Variants in TBC1D5 observed in about 807,000 individuals in gnomAD.
TBC1D5 encodes TBC1 domain family member 5, also known as TBC1 domain family, member 5.
A neutral mutation model predicts 100.3 loss-of-function variants in TBC1D5; 75 were observed. The ratio of observed to expected loss-of-function variants is 0.75; its 90% CI spans 0.62 to 0.91. TBC1D5 has a LOEUF of 0.91. TBC1D5 is among the 40% of genes least tolerant of loss of function. The pLI is 0.00. For synonymous variants in TBC1D5, 323 were observed against 325.6 expected (o/e 0.99, Z 0.09); for missense variants, 910 against 942.4 (o/e 0.97, Z 0.45).
At chr3:17,297,845 C>G (rs1303085975) in intron 14 of TBC1D5, among the ~76,000 whole-genome samples, 1 of 151,956 alleles carries the variant, frequency 6.6e-6, no homozygotes, top group East Asian at 1.9e-4. Flanking sequence ...CTGCCTTGGC[C>G]TCCCAAAGTG....
At chr3:17,291,556 C>T (rs529856955) in intron 15 of TBC1D5, among the ~76,000 whole-genome samples, 46 of 152,262 alleles carry the variant, frequency 3.0e-4, no homozygotes, top group African/African-American at 1.1e-3. Flanking sequence ...ATAAATCAAC[C>T]CCTGTGTGGG....
rs141129201 is a variant in TBC1D5, at chr3:17,410,983, G to C, written c.168-4457C>G. Among the ~76,000 whole-genome samples, 522 of 152,250 alleles carry C rather than the reference G, an allele frequency of 3.4e-3. 4 individuals are homozygous for C. The highest frequency in any genetic ancestry group is 0.011 in the African/African-American group (475 of 41,550). On this transcript the variant is annotated intron_variant, in intron 4 of 21. Coordinates refer to ENST00000253692, the Ensembl canonical transcript of TBC1D5. ...TTGAAACAAGTTCTACTCTGGGTAA[G>C]ATGCTGCCAAACAGAATCTCATGCT...
intron 4 of TBC1D5, among the ~76,000 whole-genome samples, chr3:17,414,427 G>A (rs944617624): frequency 1.3e-5 from 2 of 152,116 alleles, no homozygotes; most frequent in Non-Finnish European, 2.9e-5. Flanking sequence ...ATTAGTGAAA[G>A]ATTTCAATCA....
chr3:17,686,051 T>C (rs2070229028), intron 1 of TBC1D5, among the ~76,000 whole-genome samples: 1 of 152,154 alleles, frequency 6.6e-6, no homozygotes, highest in Non-Finnish European at 1.5e-5. Context: ...ACTTTCTCTA[T>C]TGGGGCTGAC....
At chr3:17,708,864 T>C (rs2074422793) in intron 1 of TBC1D5, among the ~76,000 whole-genome samples, 1 of 152,224 alleles carries the variant, frequency 6.6e-6, no homozygotes, top group South Asian at 2.1e-4. Context: ...ATTTCAGTTT[T>C]TCCAATAAAA....
chr3:17,672,170 C>A (rs973052086), intron 1 of TBC1D5, among the ~76,000 whole-genome samples: 15 of 152,252 alleles, frequency 9.9e-5, no homozygotes, highest in African/African-American at 2.6e-4. Flanking sequence ...AAACATATGA[C>A]TTCTACCAAA....
At chr3:17,547,282 G>C (rs2096426946) in intron 2 of TBC1D5, among the ~76,000 whole-genome samples, 2 of 150,510 alleles carry the variant, frequency 1.3e-5, no homozygotes, top group South Asian at 4.2e-4. Flanking sequence ...ACGATGAAAA[G>C]GGACTGTTTT....
rs536320478 is a variant in TBC1D5 at position 17,540,488 on chromosome 3, A to C, written c.-35-31883T>G. 3.3e-5 allele frequency among the ~76,000 whole-genome samples: 5 copies of C among 152,138 alleles called. No individual in the cohort carries two copies. In the East Asian group the frequency reaches 7.7e-4, roughly 24 times the overall value. On this transcript the variant is annotated intron_variant, in intron 2 of 21. Coordinates refer to ENST00000253692, the Ensembl canonical transcript of TBC1D5. Reference sequence around the variant, plus strand: ...TATGTCTTTGGTCCATTTTGAGTTAATTTTTGTATACTGTGTTAGTTTCGG... The same window carrying C: ...TATGTCTTTGGTCCATTTTGAGTTACTTTTTGTATACTGTGTTAGTTTCGG...
At chr3:17,734,546 C>T (rs755773180) in intron 1 of TBC1D5, among the ~76,000 whole-genome samples, 9 of 152,156 alleles carry the variant, frequency 5.9e-5, no homozygotes, top group Non-Finnish European at 1.3e-4. Flanking sequence ...ACTATATAAA[C>T]ATAAGGTAGG....
intron 3 of TBC1D5, among the ~76,000 whole-genome samples, chr3:17,461,815 C>T (rs1245482669): frequency 1.3e-5 from 2 of 152,170 alleles, no homozygotes; most frequent in African/African-American, 2.4e-5. Flanking sequence ...ACTGCACCCA[C>T]CACCTTATTT....
At chr3:17,624,987 T>G (rs1280155383) in intron 1 of TBC1D5, among the ~76,000 whole-genome samples, 1 of 152,106 alleles carries the variant, frequency 6.6e-6, no homozygotes, top group Non-Finnish European at 1.5e-5. Context: ...ATCTAAGCCT[T>G]AAAGTCCTTG....
At chr3:17,198,008 G>T (rs1247152521) in intron 18 of TBC1D5, among the ~76,000 whole-genome samples, 1 of 152,212 alleles carries the variant, frequency 6.6e-6, no homozygotes, top group Non-Finnish European at 1.5e-5. Context: ...CTGCACTCCA[G>T]CCTGGGTGAC....
At chr3:17,531,440 C>T (rs548495378) in intron 2 of TBC1D5, among the ~76,000 whole-genome samples, 2 of 152,306 alleles carry the variant, frequency 1.3e-5, no homozygotes, top group African/African-American at 4.8e-5. Flanking sequence ...ATGCCATCCC[C>T]ATCAAGCTAC....
At chr3:17,636,350 T>C (rs1560340370) in intron 1 of TBC1D5, among the ~76,000 whole-genome samples, 1 of 152,108 alleles carries the variant, frequency 6.6e-6, no homozygotes, top group Non-Finnish European at 1.5e-5. Flanking sequence ...CTGTTAACTA[T>C]GGGAGGGACC....
At chr3:17,540,562 T>C (rs1206253766) in intron 2 of TBC1D5, among the ~76,000 whole-genome samples, 1 of 152,102 alleles carries the variant, frequency 6.6e-6, no homozygotes, top group South Asian at 2.1e-4. Context: ...CCAGCAGCAT[T>C]TGTTGAAAAG....
intron 1 of TBC1D5, among the ~76,000 whole-genome samples, chr3:17,695,785 C>T (rs35460334): frequency 0.5 from 76,058 of 152,026 alleles, 20,566 homozygotes; most frequent in East Asian, 0.94. Flanking sequence ...CCCAAGTCAA[C>T]AGAACATACA....
Position 17,477,017 on chromosome 3 carries a change from T to C in TBC1D5, c.97+31457A>G, listed in dbSNP as rs184930391. 5.2e-4 allele frequency among the ~76,000 whole-genome samples: 79 copies of C among 152,078 alleles called. No homozygotes were observed. The East Asian group carries it at 6.2e-3, about 12-fold the overall frequency. On this transcript the variant is annotated intron_variant, in intron 3 of 21. Coordinates refer to ENST00000253692, the Ensembl canonical transcript of TBC1D5. ...AAGAGAAAACTTTTAACATTTTACA[T>C]TGAGAAGGATTTTAGTGTAATTCTT...
intron 1 of TBC1D5, among the ~76,000 whole-genome samples, chr3:17,731,401 G>C (rs2076542309): frequency 6.6e-6 from 1 of 151,818 alleles, no homozygotes; most frequent in Admixed American, 6.6e-5. Flanking sequence ...CTCTACTCAG[G>C]AGGCTGAGGC....
intron 18 of TBC1D5, among the ~76,000 whole-genome samples, chr3:17,189,781 T>C (rs1182272658): frequency 6.6e-6 from 1 of 152,228 alleles, no homozygotes; most frequent in Non-Finnish European, 1.5e-5. Flanking sequence ...GTCCTTCCCA[T>C]GAATAATCCC....
Sources: allele counts gnomAD v4.1 joint callset (sites outside exome capture counted in the v4.1 genomes callset), GRCh38; gene constraint gnomAD v4.1.1; transcripts MANE v1.5; gene names NCBI Gene and HGNC (gene_info 2026-07-23, HGNC 2026-07-21).